The following HLA-DRB5 variants were observed in gnomAD, a reference collection of about 807,000 sequenced individuals.
HLA-DRB5 encodes the protein DR beta-5.
Under a neutral mutation model 22.4 loss-of-function variants are expected in HLA-DRB5, and 11 were observed. The observed-to-expected ratio is 0.49, with a 90% CI of 0.31 to 0.81. The LOEUF (loss-of-function observed/expected upper bound fraction) is 0.81, where lower values mean the gene tolerates loss of function less well. HLA-DRB5 is among the 40% of genes least tolerant of loss of function. The probability of loss-of-function intolerance (pLI) is 0.05; values close to 1 mark genes in which losing one functional copy is unlikely to be tolerated. For synonymous variants in HLA-DRB5, 57 were observed against 106.0 expected (o/e 0.54, Z 2.84); for missense variants, 106 against 274.4 (o/e 0.39, Z 4.34).
chr6:32,522,285 T>G (rs574631903), intron 1 of HLA-DRB5, 111 bp from the exon 2 acceptor site: 2 of 229,956 alleles, frequency 8.7e-6, no homozygotes, highest in South Asian at 4.5e-5. Flanking sequence ...GAACCTTAAC[T>G]GATCCCAACC....
At position 32,522,182 on chromosome 6, in the gene HLA-DRB5, G is replaced by T. The variant is rs36194033; in HGVS notation, c.101-8C>A. ...CCTGCTGCAAGAAACGTGCTGTGGG[G>T]ACACGAAGGATCCGGTCACAGGGGC... On this transcript the variant is annotated splice_region_variant and splice_polypyrimidine_tract_variant and intron_variant, in intron 1 of 5. Coordinates refer to ENST00000374975, the MANE Select transcript of HLA-DRB5 (RefSeq NM_002125.4). The T allele has an allele frequency of 0.043, 33,102 of 761,372 alleles. 1,144 individuals carry two copies. Among genetic ancestry groups the T allele is most frequent in the Admixed American group, 0.06 (2,006 of 33,450 alleles). 47.2% of individuals were successfully genotyped at this position (761,372 alleles called of 1,614,324 possible).
chr6:32,524,198 A>C (rs113386396), intron 1 of HLA-DRB5, among the ~76,000 whole-genome samples: 20 of 105,002 alleles, frequency 1.9e-4, no homozygotes, highest in South Asian at 2.9e-4. Flanking sequence ...CGAATGCTTT[A>C]TAGAATTCTG....
chr6:32,521,044 C>A (rs143687829), intron 2 of HLA-DRB5, among the ~76,000 whole-genome samples: 75 of 22,462 alleles, frequency 3.3e-3, no homozygotes, highest in Admixed American at 5.5e-3. Context: ...CAAAAGAATT[C>A]CAAATAAAAA....
chr6:32,518,256 C>A, intron 4 of HLA-DRB5, among the ~76,000 whole-genome samples, 179 bp from the exon 5 acceptor site: 1 of 67,120 alleles, frequency 1.5e-5, no homozygotes, highest in Non-Finnish European at 2.9e-5. Flanking sequence ...ACATGTCTGT[C>A]ACAGGATCCA....
rs1485838141 is a variant in HLA-DRB5 at position 32,524,778 on chromosome 6, C to A, written c.101-2604G>T. Reference sequence around the variant, plus strand: ...TGGCTTGCATGGCTAGCACTGTAATCCATGCTCATGTGTCCCACTTAGGGT... The same window carrying A: ...TGGCTTGCATGGCTAGCACTGTAATACATGCTCATGTGTCCCACTTAGGGT... On this transcript the variant is annotated intron_variant, in intron 1 of 5. Transcript: ENST00000374975. 4.2e-5 allele frequency among the ~76,000 whole-genome samples: 4 copies of A among 96,112 alleles called. 1 individual carries two copies. Among genetic ancestry groups the A allele is most frequent in the African/African-American group, 8.3e-5 (2 of 24,142 alleles). The allele number at this position is 96,112 out of a possible 152,430, so 63.1% of individuals were successfully genotyped here.
chr6:32,523,094 A>G (rs534289980), intron 1 of HLA-DRB5, among the ~76,000 whole-genome samples: 45,443 of 65,900 alleles, frequency 0.69, 18,190 homozygotes, highest in Middle Eastern at 0.86. Context: ...TTAGGATCTG[A>G]GATTTATGCT....
intron 1 of HLA-DRB5, among the ~76,000 whole-genome samples, chr6:32,524,360 T>C (rs141579490): frequency 0.28 from 31,413 of 113,622 alleles, 1,331 homozygotes; most frequent in Admixed American, 0.33. Flanking sequence ...CCACTAATTA[T>C]CTGTAGTAGT....
intron 1 of HLA-DRB5, among the ~76,000 whole-genome samples, chr6:32,528,928 G>A (rs113670429): frequency 0.097 from 9,065 of 93,288 alleles, 828 homozygotes; most frequent in Admixed American, 0.14. Flanking sequence ...GGGTGACAGA[G>A]CCAGGCCCTA....
intron 1 of HLA-DRB5, among the ~76,000 whole-genome samples, chr6:32,522,383 T>G (rs575954597): frequency 3.6e-5 from 1 of 28,058 alleles, no homozygotes; most frequent in East Asian, 8.8e-4. Context: ...GGAAAACCCC[T>G]TCTGATCCCA....
chr6:32,524,437 A>C (rs1769337426), intron 1 of HLA-DRB5, among the ~76,000 whole-genome samples: 1 of 121,660 alleles, frequency 8.2e-6, no homozygotes. Context: ...TCAGTCTCCC[A>C]CTCCCAACAA....
intron 1 of HLA-DRB5, among the ~76,000 whole-genome samples, chr6:32,524,123 G>T (rs116089647): frequency 0.54 from 30,683 of 56,820 alleles, 13,769 homozygotes; most frequent in Middle Eastern, 0.78. Context: ...CAAGCCACTA[G>T]TGGTTATGGA....
At chr6:32,525,841 ACT>A (rs140741129) in intron 1 of HLA-DRB5, among the ~76,000 whole-genome samples, 1,258 of 55,676 alleles carry the variant, frequency 0.023, no homozygotes, top group Middle Eastern at 0.051. Flanking sequence ...TTTATTCATC[ACT>A]CCATTCTCAT....
intron 3 of HLA-DRB5, among the ~76,000 whole-genome samples, 179 bp from the exon 4 acceptor site, chr6:32,518,845 AGG>A (rs1562422962): frequency 4.5e-5 from 2 of 44,268 alleles, no homozygotes; most frequent in Admixed American, 3.0e-4. Context: ...TACAAGTTTC[AGG>A]GATCAAATTC....
chr6:32,518,905 A>C (rs113440750), intron 3 of HLA-DRB5, among the ~76,000 whole-genome samples: 9,579 of 31,692 alleles, frequency 0.3, 3,219 homozygotes, highest in Middle Eastern at 0.42. Context: ...AACATCTGAT[A>C]AACAGAAAGC....
Position 32,522,048 on chromosome 6 carries a change from T to A in HLA-DRB5, c.227A>T (p.Tyr76Phe), listed in dbSNP as rs148834340. 0.044 allele frequency: 62,272 copies of A among 1,415,126 alleles called. 1,090 individuals are homozygous for A. Among genetic ancestry groups the A allele is most frequent in the Middle Eastern group, 0.1 (517 of 4,972 alleles). 87.7% of individuals were successfully genotyped at this position (1,415,126 alleles called of 1,614,324 possible). Residue 76 changes from tyrosine to phenylalanine, a missense_variant, in exon 2 of 6, where the codon TAC (tyrosine) becomes TTC (phenylalanine). Transcript: ENST00000374975. ...DLRFDSDVGEYRAVTELGRPD... is the reference protein window; with the variant it reads ...DLRFDSDVGEFRAVTELGRPD... ...CCGCCCCAGCTCCGTCACCGCCCGGTACTCCCCCACGTCGCTGTCGAAGCG... is the reference window on the plus strand; with the variant it reads ...CCGCCCCAGCTCCGTCACCGCCCGGAACTCCCCCACGTCGCTGTCGAAGCG...
At chr6:32,522,372 A>T (rs112216251) in intron 1 of HLA-DRB5, among the ~76,000 whole-genome samples, 198 bp from the exon 2 acceptor site, 158 of 31,846 alleles carry the variant, frequency 5.0e-3, no homozygotes, top group Admixed American at 9.0e-3. Flanking sequence ...GGGACCAGGC[A>T]GGAAAACCCC....
At chr6:32,524,379 A>G (rs78424672) in intron 1 of HLA-DRB5, among the ~76,000 whole-genome samples, 30,692 of 117,176 alleles carry the variant, frequency 0.26, 992 homozygotes, top group Admixed American at 0.31. Flanking sequence ...GTGAATCACA[A>G]CCACAGCTAT....
chr6:32,520,661 A>G (rs796879603), intron 2 of HLA-DRB5, among the ~76,000 whole-genome samples: 7,662 of 80,982 alleles, frequency 0.095, 406 homozygotes, highest in South Asian at 0.11. Flanking sequence ...ACACTAGCAG[A>G]CTCTCAATAA....
In HLA-DRB5 at chr6:32,522,083, C is replaced by T. The variant is rs763948709; in HGVS notation, c.192G>A (p.Glu64=). ...RFLHRDIYNQ[E]EDLRFDSDVG... is the part of the protein sequence containing the mutation. Reference sequence around the variant, plus strand: ...CGTCGCTGTCGAAGCGCAAGTCCTCCTCTTGGTTATAGATGTCTCTGTGCA... The same window carrying T: ...CGTCGCTGTCGAAGCGCAAGTCCTCTTCTTGGTTATAGATGTCTCTGTGCA... The change falls in exon 2 of 6, where the codon GAG becomes GAA. Residue 64 remains glutamate (E), a synonymous_variant. Transcript: ENST00000374975. 20 of 1,419,660 alleles carry T rather than the reference C, an allele frequency of 1.4e-5. No individual in the cohort carries two copies. The highest frequency in any genetic ancestry group is 1.8e-5 in the Non-Finnish European group (19 of 1,033,668). 87.9% of individuals were successfully genotyped at this position (1,419,660 alleles called of 1,614,324 possible). A position where few individuals can be genotyped will look rare whatever the true frequency, so the allele number is the denominator to read the frequency against.
Sources: gnomAD v4.1 joint callset for allele counts (sites outside exome capture counted in the v4.1 genomes callset) on GRCh38, gnomAD v4.1.1 for gene constraint, MANE v1.5 for transcripts, NCBI Gene and HGNC (gene_info 2026-07-23, HGNC 2026-07-21) for gene names.